The following RXFP1 variants were observed in gnomAD, a reference collection of about 807,000 sequenced individuals.
The protein encoded by RXFP1 is relaxin receptor 1.
In RXFP1, 73 loss-of-function variants were observed where a neutral mutation model predicts 89.8. The ratio of observed to expected loss-of-function variants is 0.81; its 90% CI spans 0.67 to 0.99. RXFP1 has a LOEUF of 0.99. RXFP1 is among the 50% of genes least tolerant of loss of function. The probability of loss-of-function intolerance (pLI) is 0.00; values close to 1 mark genes in which losing one functional copy is unlikely to be tolerated. For synonymous variants in RXFP1, 277 were observed against 305.5 expected, an observed-to-expected ratio of 0.91 and a Z score of 0.97; for missense variants, 793 against 895.5, an observed-to-expected ratio of 0.89 and a Z score of 1.46.
chr4:158,524,781 A>G (rs1304314744), intron 1 of RXFP1, among the ~76,000 whole-genome samples: 3 of 152,236 alleles, frequency 2.0e-5, no homozygotes, highest in Non-Finnish European at 4.4e-5. Context: ...AACTTGTATT[A>G]TAAGTTCTTA....
At chr4:158,548,288 G>A (rs952954088) in intron 1 of RXFP1, among the ~76,000 whole-genome samples, 1 of 151,702 alleles carries the variant, frequency 6.6e-6, no homozygotes, top group Non-Finnish European at 1.5e-5. Flanking sequence ...CCTTTTTTTG[G>A]TTTCCATTTG....
At chr4:158,648,900 G>A (rs1374778836) in intron 17 of RXFP1, among the ~76,000 whole-genome samples, 183 bp downstream of exon 17, 2 of 152,162 alleles carry the variant, frequency 1.3e-5, no homozygotes, top group Non-Finnish European at 2.9e-5. Context: ...CTCACTTGAG[G>A]TCAGGAGTTT....
At chr4:158,614,088 C>G (rs1037467386) in intron 8 of RXFP1, among the ~76,000 whole-genome samples, 2 of 152,100 alleles carry the variant, frequency 1.3e-5, no homozygotes, top group African/African-American at 4.8e-5. Context: ...CAGTAGGTCC[C>G]AAGAGTGGGC....
chr4:158,612,731 C>G lies in RXFP1; in HGVS notation c.680+369C>G, dbSNP rs562094270. ...GTTCAAGCCATTCTCCTGGCTCAGCCTCCCAAGTAGCTGGGATTACAGGTG... is the reference window on the plus strand; with the variant it reads ...GTTCAAGCCATTCTCCTGGCTCAGCGTCCCAAGTAGCTGGGATTACAGGTG... On this transcript the variant is annotated intron_variant, in intron 8 of 17. Coordinates refer to ENST00000307765, the MANE Select transcript of RXFP1 (RefSeq NM_021634.4). Among the ~76,000 whole-genome samples the G allele has an allele frequency of 3.9e-5, 6 of 152,198 alleles. No homozygotes were observed. The East Asian group carries it at 1.2e-3, about 29-fold the overall frequency.
At chr4:158,579,941 G>A (rs1291042120) in intron 2 of RXFP1, among the ~76,000 whole-genome samples, 2 of 152,160 alleles carry the variant, frequency 1.3e-5, no homozygotes, top group Non-Finnish European at 2.9e-5. Flanking sequence ...ACACCAGGGA[G>A]GCTCAGAAAC....
chr4:158,607,594 G>A (rs1762758623), intron 5 of RXFP1, among the ~76,000 whole-genome samples: 1 of 152,136 alleles, frequency 6.6e-6, no homozygotes, highest in African/African-American at 2.4e-5. Context: ...GCTTTACTAT[G>A]TGTTAACATT....
At chr4:158,577,740 A>G (rs572929057) in intron 2 of RXFP1, among the ~76,000 whole-genome samples, 4 of 152,146 alleles carry the variant, frequency 2.6e-5, no homozygotes, top group Non-Finnish European at 5.9e-5. Flanking sequence ...AAAAAATGAA[A>G]CACCAAATGA....
Position 158,639,624 on chromosome 4 carries a change from C to T in RXFP1, c.1115+293C>T, listed in dbSNP as rs1769961296. Among the ~76,000 whole-genome samples the T allele has an allele frequency of 2.0e-5, 3 of 152,134 alleles. 1 individual carries two copies. Among genetic ancestry groups the T allele is most frequent in the Admixed American group, 1.3e-4 (2 of 15,266 alleles). On this transcript the variant is annotated intron_variant, in intron 14 of 17. Transcript: ENST00000307765. ...GTGGCTCATGCCTGTAATCCCAGCA[C>T]TTTGGGCGGCCGAGGTGGGTGGATC...
intron 2 of RXFP1, among the ~76,000 whole-genome samples, chr4:158,579,486 G>A (rs1579785110): frequency 1.3e-5 from 2 of 152,090 alleles, no homozygotes; most frequent in African/African-American, 4.8e-5. Context: ...GGATGGTCTC[G>A]ATCTCTTGAC....
At position 158,639,301 on chromosome 4, in the gene RXFP1, T is replaced by G; in HGVS notation, c.1085T>G (p.Met362Arg). The part of the protein sequence containing the change: ...GIEISNIQQR[M>R]FRPLMNLSHI... Reference sequence around the variant, plus strand: ...GAAATTTCAAATATCCAACAAAGGATGTTTAGACCTCTTATGAATCTCTCT... The same window carrying G: ...GAAATTTCAAATATCCAACAAAGGAGGTTTAGACCTCTTATGAATCTCTCT... Residue 362 changes from methionine to arginine, a missense_variant, in exon 14 of 18, where the codon ATG becomes AGG. By Grantham distance (91) the Met-to-Arg change is moderately conservative. Transcript: ENST00000307765. The G allele has an allele frequency of 6.4e-7, 1 of 1,569,482 alleles. No individual in the cohort carries two copies. The highest frequency in any genetic ancestry group is 2.2e-5 in the East Asian group (1 of 44,540).
intron 2 of RXFP1, among the ~76,000 whole-genome samples, chr4:158,580,646 C>T (rs1353135636): frequency 1.3e-5 from 2 of 152,146 alleles, no homozygotes; most frequent in African/African-American, 2.4e-5. Flanking sequence ...CAGCTCCTTC[C>T]CAATGTGATC....
chr4:158,639,422 A>C, intron 14 of RXFP1, 91 bp downstream of exon 14: 1 of 756,416 alleles, frequency 1.3e-6, no homozygotes, highest in Non-Finnish European at 2.2e-6. Context: ...AATATTTTCT[A>C]CTAATTTGCC....
At chr4:158,567,696 G>C (rs1324209612) in intron 1 of RXFP1, among the ~76,000 whole-genome samples, 1 of 151,978 alleles carries the variant, frequency 6.6e-6, no homozygotes, top group Non-Finnish European at 1.5e-5. Flanking sequence ...AATCTAGTGG[G>C]GACGTGGAGA....
chr4:158,544,711 C>T (rs1747782586), intron 1 of RXFP1, among the ~76,000 whole-genome samples: 1 of 151,542 alleles, frequency 6.6e-6, no homozygotes, highest in African/African-American at 2.4e-5. Context: ...GGTTTTTTGT[C>T]CTTGCAATAG....
At chr4:158,563,496 GCACACACACA>G (rs145181248) in intron 1 of RXFP1, among the ~76,000 whole-genome samples, 3,084 of 142,430 alleles carry the variant, frequency 0.022, 51 homozygotes, top group Non-Finnish European at 0.03. Context: ...AGAATTCAAT[GCACACACACA>G]CACACACACA....
chr4:158,565,612 C>A (rs1293138473), intron 1 of RXFP1, among the ~76,000 whole-genome samples: 1 of 152,136 alleles, frequency 6.6e-6, no homozygotes, highest in Admixed American at 6.5e-5. Context: ...ATAAATATTA[C>A]AAAGACACCA....
chr4:158,634,873 C>A (rs898110899), intron 12 of RXFP1, among the ~76,000 whole-genome samples: 2 of 152,168 alleles, frequency 1.3e-5, no homozygotes, highest in African/African-American at 4.8e-5. Context: ...GCTCTCTATT[C>A]TATTCCATTA....
chr4:158,554,542 T>C (rs148529894), intron 1 of RXFP1, among the ~76,000 whole-genome samples: 6 of 152,324 alleles, frequency 3.9e-5, no homozygotes, highest in Non-Finnish European at 7.4e-5. Flanking sequence ...GAACAACTTA[T>C]TATATCAGTG....
At chr4:158,548,159 G>A (rs1749036090) in intron 1 of RXFP1, among the ~76,000 whole-genome samples, 1 of 152,194 alleles carries the variant, frequency 6.6e-6, no homozygotes, top group Admixed American at 6.5e-5. Context: ...ATATATTTAG[G>A]ATAGTTAGCT....
Sources: gnomAD v4.1 joint callset for allele counts (sites outside exome capture counted in the v4.1 genomes callset) on GRCh38, gnomAD v4.1.1 for gene constraint, MANE v1.5 for transcripts, NCBI Gene and HGNC (gene_info 2026-07-23, HGNC 2026-07-21) for gene names.